SLC16A9: variants seen among roughly 807,000 people sequenced by gnomAD.
SLC16A9 encodes the protein solute carrier family 16 member 9.
Under a neutral mutation model 44.3 loss-of-function variants are expected in SLC16A9, and 26 were observed. That is an observed-to-expected ratio of 0.59 (90% confidence interval 0.43 to 0.81). SLC16A9 has a LOEUF of 0.81. Ranked by LOEUF, SLC16A9 falls within the 40% of genes least tolerant of loss-of-function variation. The probability of loss-of-function intolerance (pLI) is 0.00; values close to 1 mark genes in which losing one functional copy is unlikely to be tolerated. For missense variants in SLC16A9, 559 were observed against 595.8 expected (o/e 0.94, Z 0.64); for synonymous variants, 230 against 225.1 (o/e 1.02, Z -0.19).
In SLC16A9 at chr10:59,652,707, GA is replaced by G. The variant is rs140147624; in HGVS notation, c.*64del. 2.3e-3 allele frequency: 3,294 copies of G among 1,418,050 alleles called. 44 individuals are homozygous for G. The African/African-American group carries it at 0.029, about 13-fold the overall frequency. 87.8% of individuals were successfully genotyped at this position (1,418,050 alleles called of 1,614,324 possible). A position where few individuals can be genotyped will look rare whatever the true frequency, so the allele number is the denominator to read the frequency against. ...TCTTGACTCTAGAAAATTTGCTTGA[GA>G]ATCTGTTAAAATATCGTTGCTATAT... On this transcript the variant is annotated 3_prime_UTR_variant, in exon 6 of 6. Transcript: ENST00000395348.
intron 1 of SLC16A9, among the ~76,000 whole-genome samples, chr10:59,687,264 A>C (rs1840155538): frequency 6.6e-6 from 1 of 152,216 alleles, no homozygotes; most frequent in African/African-American, 2.4e-5. Context: ...ACCAATTAAC[A>C]AAAGTATACA....
At chr10:59,657,450 G>A (rs1041924285) in intron 4 of SLC16A9, among the ~76,000 whole-genome samples, 2 of 152,138 alleles carry the variant, frequency 1.3e-5, no homozygotes, top group Non-Finnish European at 2.9e-5. Flanking sequence ...TGTGACTTTT[G>A]TTTAGCTTAT....
intron 1 of SLC16A9, chr10:59,708,463 GAAC>G (rs1840691906): frequency 6.6e-6 from 1 of 152,130 alleles, no homozygotes; most frequent in African/African-American, 2.4e-5. Context: ...GAATTTGATG[GAAC>G]AACGGAAAAT....
At chr10:59,669,495 T>C (rs553555241) in intron 3 of SLC16A9, among the ~76,000 whole-genome samples, 5 of 152,212 alleles carry the variant, frequency 3.3e-5, no homozygotes, top group Non-Finnish European at 7.3e-5. Flanking sequence ...AAATAGAGAA[T>C]GCATGATGCT....
intron 1 of SLC16A9, among the ~76,000 whole-genome samples, chr10:59,693,642 T>C (rs1490720656): frequency 1.3e-5 from 2 of 151,648 alleles, no homozygotes; most frequent in South Asian, 4.1e-4. Flanking sequence ...TATTTTGAGA[T>C]GGAGTCTCAC....
intron 4 of SLC16A9, among the ~76,000 whole-genome samples, chr10:59,658,995 T>C (rs1839411381): frequency 6.6e-6 from 1 of 152,194 alleles, no homozygotes; most frequent in Non-Finnish European, 1.5e-5. Context: ...GAAGCATATG[T>C]AAATTTACAA....
At chr10:59,664,128 G>C in intron 4 of SLC16A9, 99 bp downstream of exon 4, 1 of 573,800 alleles carries the variant, frequency 1.7e-6, no homozygotes, top group East Asian at 3.5e-5. Flanking sequence ...CTGATTGGTA[G>C]CTGGGTAATG....
intron 1 of SLC16A9, among the ~76,000 whole-genome samples, chr10:59,690,749 G>A (rs1840234735): frequency 6.6e-6 from 1 of 151,636 alleles, no homozygotes; most frequent in Non-Finnish European, 1.5e-5. Context: ...ACATATTGTA[G>A]AATTAATCAT....
In SLC16A9 at chr10:59,651,540, T is replaced by C. The variant is rs1010505896; in HGVS notation, c.*1232A>G. 12 of 152,308 alleles carry C rather than the reference T, an allele frequency of 7.9e-5. No homozygotes were observed. The highest frequency in any genetic ancestry group is 2.9e-4 in the African/African-American group (12 of 41,570). The allele number at this position is 152,308 out of a possible 1,614,324, so 9.4% of individuals were successfully genotyped here. ...CCTACACCAGCAGAATTAAAAGTTC[T>C]ATGTGTGATACCCAGGTACCTATAT... On this transcript the variant is annotated 3_prime_UTR_variant, in exon 6 of 6. Coordinates refer to ENST00000395348, the MANE Select transcript of SLC16A9 (RefSeq NM_194298.3).
Position 59,672,872 on chromosome 10 carries a change from G to A in SLC16A9, c.238C>T (p.Pro80Ser). 1 of 1,613,506 alleles carries A rather than the reference G, an allele frequency of 6.2e-7. No individual in the cohort carries two copies. The highest frequency in any genetic ancestry group is 8.5e-7 in the Non-Finnish European group (1 of 1,179,722). The change falls in exon 3 of 6, where the codon CCT becomes TCT. Residue 80 changes from proline to serine, a missense_variant. Physicochemically the swap from Pro to Ser is moderately conservative, Grantham distance 74. Transcript: ENST00000395348. ...ATGAAGCCACTGAAGATTGTGACAG[G>A]TCTTGCTCCAAAAGATGAGACACAG... ...SLCVSSFGAR[P>S]VTIFSGFMVA...
At position 59,653,726 on chromosome 10, in the gene SLC16A9, T is replaced by C; in HGVS notation, c.1300A>G (p.Ile434Val). 1 of 1,614,072 alleles carries C rather than the reference T, an allele frequency of 6.2e-7. No individual in the cohort carries two copies. The highest frequency in any genetic ancestry group is 8.5e-7 in the Non-Finnish European group (1 of 1,179,984). ...CCAAGTCCAGCAAAGAACATTAATA[T>C]CCCATAGGCATGGGCTAATTTTTCA... ...GIEKLAHAYG[I>V]LMFFAGLGNS... is the part of the protein sequence containing the mutation. The change falls in exon 5 of 6, where the codon ATA (isoleucine) becomes GTA (valine). Residue 434 changes from isoleucine to valine, a missense_variant. Coordinates refer to ENST00000395348, the MANE Select transcript of SLC16A9 (RefSeq NM_194298.3).
intron 3 of SLC16A9, among the ~76,000 whole-genome samples, 183 bp from the exon 4 acceptor site, chr10:59,664,505 T>A (rs1449449348): frequency 6.6e-6 from 1 of 151,996 alleles, no homozygotes; most frequent in African/African-American, 2.4e-5. Context: ...GCAGCCTCAT[T>A]TTTCACCCCA....
At chr10:59,659,200 A>C (rs1839416546) in intron 4 of SLC16A9, among the ~76,000 whole-genome samples, 1 of 152,186 alleles carries the variant, frequency 6.6e-6, no homozygotes, top group African/African-American at 2.4e-5. Flanking sequence ...TTGATTACTA[A>C]AGGAATAACA....
At chr10:59,693,254 C>T (rs141007634) in intron 1 of SLC16A9, among the ~76,000 whole-genome samples, 1 of 152,314 alleles carries the variant, frequency 6.6e-6, no homozygotes, top group African/African-American at 2.4e-5. Flanking sequence ...AGTAAATCTA[C>T]TCTCTTTGTT....
intron 4 of SLC16A9, 49 bp from the exon 5 acceptor site, chr10:59,654,638 G>C (rs1438969324): frequency 2.1e-6 from 3 of 1,430,982 alleles, no homozygotes; most frequent in Admixed American, 2.4e-5. Flanking sequence ...AGGCTCTCAG[G>C]ATTAGAATTT....
chr10:59,675,533 A>G (rs570102106), intron 2 of SLC16A9, among the ~76,000 whole-genome samples: 37 of 152,328 alleles, frequency 2.4e-4, no homozygotes, highest in African/African-American at 8.9e-4. Context: ...AGAGTCTCCC[A>G]GTAGACAGAA....
chr10:59,684,654 G>A (rs1300263187), intron 1 of SLC16A9, among the ~76,000 whole-genome samples: 4 of 152,030 alleles, frequency 2.6e-5, no homozygotes, highest in Non-Finnish European at 5.9e-5. Context: ...TTAGTTTTTA[G>A]TTTCTTGGGT....
intron 2 of SLC16A9, among the ~76,000 whole-genome samples, chr10:59,674,091 A>C (rs1288768174): frequency 6.6e-6 from 1 of 152,214 alleles, no homozygotes; most frequent in East Asian, 1.9e-4. Context: ...TGTTCTTGGC[A>C]TGAATGTAAT....
At chr10:59,695,629 T>G (rs1840354814) in intron 1 of SLC16A9, among the ~76,000 whole-genome samples, 1 of 152,148 alleles carries the variant, frequency 6.6e-6, no homozygotes, top group Non-Finnish European at 1.5e-5. Context: ...TCTAACCTAG[T>G]AACAGGTTTG....
Sources: allele counts gnomAD v4.1 joint callset (sites outside exome capture counted in the v4.1 genomes callset), GRCh38; gene constraint gnomAD v4.1.1; transcripts MANE v1.5; gene names NCBI Gene and HGNC (gene_info 2026-07-23, HGNC 2026-07-21).